Variants in ATP10B observed in about 807,000 individuals in gnomAD.
ATP10B encodes phospholipid-transporting ATPase VB.
Under a neutral mutation model 141.2 loss-of-function variants are expected in ATP10B, and 122 were observed. That is an observed-to-expected ratio of 0.86 (90% CI 0.75 to 1.00). ATP10B has a LOEUF of 1.00. Among genes scored for constraint, ATP10B ranks in the 50% least tolerant of loss-of-function variants. ATP10B has a pLI of 0.00. For synonymous variants in ATP10B, 685 were observed against 692.0 expected (o/e 0.99, Z 0.16); for missense variants, 1,876 against 1,825.3 (o/e 1.03, Z -0.51).
At chr5:160,889,968 C>T in the ATP10B span, among the ~76,000 whole-genome samples, 5 of 152,330 alleles carry the variant, frequency 3.3e-5, no homozygotes, top group East Asian at 7.7e-4. Flanking sequence ...CCCTCTCCTC[C>T]TCCCTTCCCT....
chr5:160,920,519 G>C, the ATP10B span, among the ~76,000 whole-genome samples: 2 of 152,210 alleles, frequency 1.3e-5, no homozygotes, highest in Non-Finnish European at 2.9e-5. Context: ...AAGGATCTTT[G>C]AAGAAGCACA....
chr5:160,760,514 G>A (rs1768953113), intron 2 of ATP10B, among the ~76,000 whole-genome samples: 1 of 152,156 alleles, frequency 6.6e-6, no homozygotes, highest in South Asian at 2.1e-4. Context: ...TTTGGCAGCT[G>A]AATTAGGATT....
chr5:160,871,968 C>T, the ATP10B span, among the ~76,000 whole-genome samples: 2 of 151,860 alleles, frequency 1.3e-5, no homozygotes, highest in African/African-American at 4.8e-5. Flanking sequence ...AAGGAATATC[C>T]CCACTGTTTT....
the ATP10B span, among the ~76,000 whole-genome samples, chr5:160,905,921 GT>G: frequency 6.6e-6 from 1 of 152,096 alleles, no homozygotes; most frequent in Admixed American, 6.5e-5. Context: ...GAGGAAGAAT[GT>G]GGAGAGAGCT....
In ATP10B at chr5:160,572,198, C is replaced by T. The variant is rs200351795; in HGVS notation, c.3751-2515G>A. Among the ~76,000 whole-genome samples, 461 of 120,518 alleles carry T rather than the reference C, an allele frequency of 3.8e-3. 5 individuals carry two copies. The highest frequency in any genetic ancestry group is 0.014 in the African/African-American group (431 of 30,052). The allele number at this position is 120,518 out of a possible 152,430, so 79.1% of individuals were successfully genotyped here. Reference sequence around the variant, plus strand: ...TCATGCTTTTAAAGAGTTTTTTTTTCCCCTTTTTTAAAGTTATCCAGTATT... The same window carrying T: ...TCATGCTTTTAAAGAGTTTTTTTTTTCCCTTTTTTAAAGTTATCCAGTATT... On this transcript the variant is annotated intron_variant, in intron 24 of 25. Transcript: ENST00000327245.
At chr5:160,818,492 G>A (rs1437856383) in intron 1 of ATP10B, among the ~76,000 whole-genome samples, 1 of 152,172 alleles carries the variant, frequency 6.6e-6, no homozygotes, top group African/African-American at 2.4e-5. Context: ...TTAAAAGTCA[G>A]GAAACAACAG....
chr5:160,612,536 C>T (rs1015646758), intron 18 of ATP10B: 13 of 434,786 alleles, frequency 3.0e-5, no homozygotes, highest in African/African-American at 1.0e-4. Flanking sequence ...GTAAAAGAGA[C>T]CAGCTAGCCA....
intron 1 of ATP10B, among the ~76,000 whole-genome samples, chr5:160,829,592 T>C (rs912776242): frequency 3.3e-5 from 5 of 152,022 alleles, no homozygotes; most frequent in Admixed American, 6.6e-5. Context: ...TTCCAATCCA[T>C]GAGTACGTAA....
chr5:160,853,498 T>C (rs1466214302), upstream of ATP10B, among the ~76,000 whole-genome samples: 1 of 152,190 alleles, frequency 6.6e-6, no homozygotes, highest in South Asian at 2.1e-4. Context: ...ATTGTCTTTC[T>C]CCTAAGACTA....
Position 160,708,000 on chromosome 5 carries a change from T to C in ATP10B, c.-205+8909A>G, listed in dbSNP as rs1765117560. Among the ~76,000 whole-genome samples the C allele has an allele frequency of 2.6e-5, 4 of 152,314 alleles. No homozygotes were observed. In the South Asian group the frequency reaches 6.2e-4, roughly 24 times the overall value. ...AGGAAATATCCACCTTCAGAAGACTTACTCTCTGAGGTCTAGTTTTCCCCT... is the reference window on the plus strand; with the variant it reads ...AGGAAATATCCACCTTCAGAAGACTCACTCTCTGAGGTCTAGTTTTCCCCT... On this transcript the variant is annotated intron_variant, in intron 3 of 25. Coordinates refer to ENST00000327245, the MANE Select transcript of ATP10B (RefSeq NM_025153.3).
chr5:160,822,217 T>A (rs1774162729), intron 1 of ATP10B, among the ~76,000 whole-genome samples: 1 of 152,102 alleles, frequency 6.6e-6, no homozygotes, highest in South Asian at 2.1e-4. Flanking sequence ...TGAATAGACA[T>A]TTTGCAAAAG....
Position 160,650,133 on chromosome 5 carries a change from TAC to T in ATP10B, c.676-879_676-878del, listed in dbSNP as rs549523911. Among the ~76,000 whole-genome samples, 49 of 148,730 alleles carry T rather than the reference TAC, an allele frequency of 3.3e-4. 1 individual carries two copies. Among genetic ancestry groups the T allele is most frequent in the East Asian group, 1.2e-3 (6 of 5,132 alleles). ...AAAAAAAATTTTATATATATATATA[TAC>T]ACACACACACACATACATATATATA... On this transcript the variant is annotated intron_variant, in intron 7 of 25. Transcript: ENST00000327245.
the ATP10B span, among the ~76,000 whole-genome samples, chr5:160,872,128 C>T: frequency 0.75 from 114,731 of 152,038 alleles, 44,143 homozygotes; most frequent in East Asian, 0.98. Context: ...TTGGTTTGCA[C>T]TTCTCTGGTT....
intron 2 of ATP10B, among the ~76,000 whole-genome samples, chr5:160,718,029 A>G (rs1041267501): frequency 6.6e-6 from 1 of 152,244 alleles, no homozygotes; most frequent in Non-Finnish European, 1.5e-5. Context: ...TCAAGGAGAA[A>G]GCAAGCAAGG....
chr5:160,816,060 T>C (rs547009213), intron 1 of ATP10B, among the ~76,000 whole-genome samples: 3 of 151,596 alleles, frequency 2.0e-5, no homozygotes, highest in Non-Finnish European at 4.4e-5. Flanking sequence ...AGAGAAAGCA[T>C]GAAAGATCTA....
rs1291370642 is a variant in ATP10B, at chr5:160,589,678, T to C, written c.3664A>G (p.Ile1222Val). 2 of 1,613,586 alleles carry C rather than the reference T, an allele frequency of 1.2e-6. No homozygotes were observed. Among genetic ancestry groups the C allele is most frequent in the African/African-American group, 1.3e-5 (1 of 74,898 alleles). The change falls in exon 24 of 26, where the codon ATA becomes GTA. Residue 1222 changes from isoleucine (I) to valine (V), a missense_variant. By Grantham distance (29) the Ile-to-Val change is conservative. Transcript: ENST00000327245. ...IPYLAYKGSD[I>V]DVFTFGTPIN... ...GGTGTCCCAAAGGTAAAGACATCTA[T>C]ATCAGAGCCCTTATAGGCCTGCAGA...
At chr5:160,766,921 G>A (rs1332683379) in intron 2 of ATP10B, among the ~76,000 whole-genome samples, 1 of 152,132 alleles carries the variant, frequency 6.6e-6, no homozygotes, top group Non-Finnish European at 1.5e-5. Flanking sequence ...CATGGTCAAG[G>A]CAGCTGCAGT....
intron 3 of ATP10B, among the ~76,000 whole-genome samples, chr5:160,699,501 T>C (rs1031015383): frequency 1.1e-4 from 16 of 152,170 alleles, no homozygotes; most frequent in African/African-American, 3.1e-4. Flanking sequence ...GTGAGTTACA[T>C]ACCAATTAGT....
the ATP10B span, among the ~76,000 whole-genome samples, chr5:160,909,531 A>G: frequency 1.3e-5 from 2 of 152,160 alleles, no homozygotes; most frequent in African/African-American, 4.8e-5. Flanking sequence ...AGTTTCCTGA[A>G]TGCAGGAGCA....
Sources: gnomAD v4.1 joint callset for allele counts (sites outside exome capture counted in the v4.1 genomes callset) on GRCh38, gnomAD v4.1.1 for gene constraint, MANE v1.5 for transcripts, NCBI Gene and HGNC (gene_info 2026-07-23, HGNC 2026-07-21) for gene names.